VPS13D: variants seen among roughly 807,000 people sequenced by gnomAD.
VPS13D encodes vacuolar protein sorting 13 homolog D, also known as intermembrane lipid transfer protein VPS13D.
Under a neutral mutation model 461.9 loss-of-function variants are expected in VPS13D, and 187 were observed. The ratio of observed to expected loss-of-function variants is 0.40; its 90% CI spans 0.36 to 0.46. The LOEUF (loss-of-function observed/expected upper bound fraction) is 0.46. Ranked by LOEUF, VPS13D falls within the 20% of genes least tolerant of loss-of-function variation. The pLI, the probability that VPS13D is intolerant of heterozygous loss-of-function variation, is 0.60. For synonymous variants in VPS13D, 1,951 were observed against 1,986.3 expected, an observed-to-expected ratio of 0.98 and a Z score of 0.47; for missense variants, 4,711 against 5,364.9, an observed-to-expected ratio of 0.88 and a Z score of 3.81.
chr1:12,402,977 A>T (rs890616240), intron 62 of VPS13D, among the ~76,000 whole-genome samples: 1 of 152,180 alleles, frequency 6.6e-6, no homozygotes, highest in African/African-American at 2.4e-5. Flanking sequence ...CTGCTCCTTA[A>T]AGTACCTGCC....
intron 18 of VPS13D, among the ~76,000 whole-genome samples, chr1:12,274,769 G>C (rs1375496376): frequency 6.6e-6 from 1 of 152,224 alleles, no homozygotes; most frequent in Non-Finnish European, 1.5e-5. Context: ...AGAAAGATGA[G>C]ACCTCTCTTC....
intron 39 of VPS13D, chr1:12,337,077 G>T (rs1643466812): frequency 6.6e-6 from 1 of 150,646 alleles, no homozygotes; most frequent in African/African-American, 2.4e-5. Flanking sequence ...TAAAATTTTT[G>T]TCCCTCTCTC....
At position 12,500,621 on chromosome 1, in the gene VPS13D, A is replaced by G. The variant is rs561320219; in HGVS notation, c.12794+2990A>G. On this transcript the variant is annotated intron_variant, in intron 68 of 69. Coordinates refer to ENST00000620676, the MANE Select transcript of VPS13D (RefSeq NM_015378.4). ...AGACAATTTAAATTGTACTTTTAAAATATAGTTTTAGAAAGTAACATTTAT... is the reference window on the plus strand; with the variant it reads ...AGACAATTTAAATTGTACTTTTAAAGTATAGTTTTAGAAAGTAACATTTAT... 2.6e-4 allele frequency among the ~76,000 whole-genome samples: 40 copies of G among 152,224 alleles called. No individual in the cohort carries two copies. In the East Asian group the frequency reaches 7.8e-3, roughly 30 times the overall value.
chr1:12,474,951 A>AT lies in VPS13D; in HGVS notation c.12662+14567dup, dbSNP rs552592768. ...ATTAAAGCCCAATATACTAATGCAG[A>AT]TTTTTTTTTTTTAAGTTTTAGAGAG... On this transcript the variant is annotated intron_variant, in intron 67 of 69. Transcript: ENST00000620676. 1.1e-3 allele frequency among the ~76,000 whole-genome samples: 156 copies of AT among 147,746 alleles called. 1 individual carries two copies. The highest frequency in any genetic ancestry group is 8.9e-3 in the East Asian group (45 of 5,048).
At chr1:12,494,070 T>A (rs1199806244) in intron 67 of VPS13D, among the ~76,000 whole-genome samples, 1 of 152,198 alleles carries the variant, frequency 6.6e-6, no homozygotes, top group East Asian at 1.9e-4. Flanking sequence ...ATTGAACTCA[T>A]CTGTCTTTTC....
At chr1:12,312,042 G>T in intron 29 of VPS13D, 117 bp downstream of exon 29, 3 of 676,476 alleles carry the variant, frequency 4.4e-6, no homozygotes, top group South Asian at 5.8e-5. Context: ...AATGTTGTCT[G>T]CAGAGTGTCT....
intron 26 of VPS13D, among the ~76,000 whole-genome samples, chr1:12,307,110 A>T (rs1377483033): frequency 6.6e-6 from 1 of 152,084 alleles, no homozygotes; most frequent in Non-Finnish European, 1.5e-5. Flanking sequence ...TAAAAAACTA[A>T]TTTTTTCAGT....
At chr1:12,233,482 G>A (rs1640049732) in intron 1 of VPS13D, among the ~76,000 whole-genome samples, 1 of 152,126 alleles carries the variant, frequency 6.6e-6, no homozygotes. Flanking sequence ...GATGCCAGTA[G>A]CAGCCCCTAA....
chr1:12,236,202 T>G (rs1247629297), intron 2 of VPS13D, among the ~76,000 whole-genome samples: 1 of 152,114 alleles, frequency 6.6e-6, no homozygotes, highest in Admixed American at 6.6e-5. Context: ...TAACTGGTGT[T>G]AGTATGGTAC....
intron 12 of VPS13D, 49 bp downstream of exon 12, chr1:12,261,198 T>C: frequency 7.5e-6 from 12 of 1,599,456 alleles, no homozygotes; most frequent in South Asian, 2.2e-5. Flanking sequence ...TCGTCTGTTA[T>C]TTGTGCAACA....
chr1:12,383,358 CAA>C (rs1316197758), intron 58 of VPS13D, among the ~76,000 whole-genome samples: 1 of 152,020 alleles, frequency 6.6e-6, no homozygotes, highest in African/African-American at 2.4e-5. Flanking sequence ...AAAGTATAAA[CAA>C]AGTATCAATG....
rs112036463 is a variant in VPS13D at position 12,373,083 on chromosome 1, T to C, written c.10809-667T>C. The stretch of plus-strand genomic sequence containing the variant: ...TAAAGCTAATTTTTGGTCCCTTGAA[T>C]TGTCTGGCTTGGTTTTTTTTTTTTT... On this transcript the variant is annotated intron_variant, in intron 54 of 69. Transcript: ENST00000620676. Among the ~76,000 whole-genome samples, 34 of 150,026 alleles carry C rather than the reference T, an allele frequency of 2.3e-4. 2 individuals are homozygous for C. Among genetic ancestry groups the C allele is most frequent in the Admixed American group, 1.7e-3 (26 of 14,938 alleles).
chr1:12,336,114 G>T, intron 39 of VPS13D: 1 of 307,256 alleles, frequency 3.3e-6, no homozygotes, highest in Non-Finnish European at 6.1e-6. Flanking sequence ...ACCTGAGAAT[G>T]CATCAGGATC....
intron 65 of VPS13D, among the ~76,000 whole-genome samples, chr1:12,424,200 T>G (rs1262807461): frequency 6.6e-6 from 1 of 152,332 alleles, no homozygotes; most frequent in East Asian, 1.9e-4. Context: ...GCTTTCTATT[T>G]TCAAAAAGAC....
intron 27 of VPS13D, among the ~76,000 whole-genome samples, 175 bp downstream of exon 27, chr1:12,308,816 T>C (rs1642646736): frequency 6.6e-6 from 1 of 152,006 alleles, no homozygotes; most frequent in South Asian, 2.1e-4. Flanking sequence ...CATGCCCGGC[T>C]AATTTTTGTA....
At chr1:12,254,598 A>C (rs969518778) in intron 7 of VPS13D, among the ~76,000 whole-genome samples, 28 of 129,308 alleles carry the variant, frequency 2.2e-4, no homozygotes, top group African/African-American at 7.9e-4. Flanking sequence ...ATCTTGGCTC[A>C]CTGAGATCTT....
At chr1:12,329,800 C>T (rs376674357) in intron 36 of VPS13D, 29 bp from the exon 37 acceptor site, 58 of 1,603,696 alleles carry the variant, frequency 3.6e-5, no homozygotes, top group Admixed American at 1.5e-4. Flanking sequence ...CCTGCCCTGC[C>T]GCTGCAGTAA....
rs988404873 is a variant in VPS13D at position 12,495,985 on chromosome 1, T to G, written c.12663-1515T>G. On this transcript the variant is annotated intron_variant, in intron 67 of 69. Transcript: ENST00000620676. The surrounding 1 kb of genome is among the most constrained non-coding windows in gnomAD (Gnocchi z 4.0). Reference sequence around the variant, plus strand: ...TCGTCCAGCTTCTCTCCTGATGGGTTAGCAGCGGCCCCTCTACCGCCCTCC... The same window carrying G: ...TCGTCCAGCTTCTCTCCTGATGGGTGAGCAGCGGCCCCTCTACCGCCCTCC... 1.3e-5 allele frequency among the ~76,000 whole-genome samples: 2 copies of G among 152,178 alleles called. No individual in the cohort carries two copies. Among genetic ancestry groups the G allele is most frequent in the Non-Finnish European group, 2.9e-5 (2 of 68,032 alleles).
intron 67 of VPS13D, among the ~76,000 whole-genome samples, chr1:12,472,527 C>T (rs951852068): frequency 2.0e-5 from 3 of 152,220 alleles, no homozygotes; most frequent in Admixed American, 6.5e-5. Flanking sequence ...TAGCTTTCTG[C>T]TTTGTGGCTT....
Sources: allele counts gnomAD v4.1 joint callset (sites outside exome capture counted in the v4.1 genomes callset), GRCh38; gene constraint gnomAD v4.1.1; non-coding constraint Gnocchi (gnomAD v3.1); transcripts MANE v1.5; gene names NCBI Gene and HGNC (gene_info 2026-07-23, HGNC 2026-07-21).